BAIAP2L1: variants seen among roughly 807,000 people sequenced by gnomAD.
BAIAP2L1 encodes the protein BAR/IMD domain containing adaptor protein 2 like 1.
A neutral mutation model predicts 66.3 loss-of-function variants in BAIAP2L1; 35 were observed. That is an observed-to-expected ratio of 0.53 (90% CI 0.40 to 0.70). BAIAP2L1 has a LOEUF of 0.70. Among genes scored for constraint, BAIAP2L1 ranks in the 30% least tolerant of loss-of-function variants. The pLI, the probability that BAIAP2L1 is intolerant of heterozygous loss-of-function variation, is 0.00. For missense variants in BAIAP2L1, 622 were observed against 656.9 expected (o/e 0.95, Z 0.58); for synonymous variants, 269 against 248.7 (o/e 1.08, Z -0.77).
Position 98,293,487 on chromosome 7 carries a change from C to T in BAIAP2L1, c.*34G>A. On this transcript the variant is annotated 3_prime_UTR_variant, in exon 14 of 14. Coordinates refer to ENST00000005260, the MANE Select transcript of BAIAP2L1 (RefSeq NM_018842.5). ...GCGCCCATCATTCCGCAAGGGAGAA[C>T]CGGAGAGGCCCGGGAGAGTCCTTGG... The T allele has an allele frequency of 1.3e-6, 2 of 1,592,524 alleles. No homozygotes were observed. The highest frequency in any genetic ancestry group is 8.6e-7 in the Non-Finnish European group (1 of 1,162,056).
At chr7:98,361,005 C>T (rs779401608) in intron 2 of BAIAP2L1, among the ~76,000 whole-genome samples, 2 of 152,102 alleles carry the variant, frequency 1.3e-5, no homozygotes, top group Non-Finnish European at 2.9e-5. Context: ...TCATGCTGAG[C>T]GAGAGTGAGG....
chr7:98,396,496 C>A (rs1803211938), intron 1 of BAIAP2L1, among the ~76,000 whole-genome samples: 1 of 152,138 alleles, frequency 6.6e-6, no homozygotes, highest in Non-Finnish European at 1.5e-5. Flanking sequence ...TCTTTGGTCA[C>A]TGGAAACTAA....
Position 98,304,363 on chromosome 7 carries a change from T to G in BAIAP2L1, c.1255A>C (p.Arg419=). The change falls in exon 12 of 14, where the codon AGA becomes CGA. Residue 419 remains arginine (R), a synonymous_variant. Transcript: ENST00000005260. ...TVPTPSPTPV[R]SISTVNLSEN... Reference sequence around the variant, plus strand: ...GACAAGTTCACGGTGCTGATGCTTCTCACTGGTGTGGGGCTCAAACCCAAA... The same window carrying G: ...GACAAGTTCACGGTGCTGATGCTTCGCACTGGTGTGGGGCTCAAACCCAAA... 1 of 1,613,446 alleles carries G rather than the reference T, an allele frequency of 6.2e-7. No individual in the cohort carries two copies. Among genetic ancestry groups the G allele is most frequent in the South Asian group, 1.1e-5 (1 of 90,912 alleles).
intron 7 of BAIAP2L1, 40 bp downstream of exon 7, chr7:98,315,420 A>T (rs1291664150): frequency 1.5e-6 from 2 of 1,355,496 alleles, no homozygotes; most frequent in Admixed American, 2.8e-5. Context: ...TATGAAATAA[A>T]GTTATTAATA....
chr7:98,343,328 G>A (rs1801793447), intron 3 of BAIAP2L1, among the ~76,000 whole-genome samples: 1 of 151,740 alleles, frequency 6.6e-6, no homozygotes, highest in Non-Finnish European at 1.5e-5. Flanking sequence ...GCAGGCGCCA[G>A]TAGTCCCAGC....
At chr7:98,386,267 C>T (rs1802888318) in intron 1 of BAIAP2L1, 2 of 1,594,470 alleles carry the variant, frequency 1.3e-6, no homozygotes, top group East Asian at 4.5e-5. Context: ...CACATTTTGT[C>T]ACGGGTAAGA....
At chr7:98,359,087 A>C (rs1234416013) in intron 2 of BAIAP2L1, among the ~76,000 whole-genome samples, 2 of 152,170 alleles carry the variant, frequency 1.3e-5, no homozygotes, top group Admixed American at 6.5e-5. Context: ...CCACAGCCCC[A>C]CACGGGCCGC....
Position 98,351,237 on chromosome 7 carries a change from C to T in BAIAP2L1, c.214+3805G>A, listed in dbSNP as rs531013647. Among the ~76,000 whole-genome samples, 11 of 152,304 alleles carry T rather than the reference C, an allele frequency of 7.2e-5. No homozygotes were observed. The East Asian group carries it at 1.4e-3, about 19-fold the overall frequency. On this transcript the variant is annotated intron_variant, in intron 3 of 13. Transcript: ENST00000005260. ...CACGAGGGAGAAAAACATCACTCCA[C>T]TCAGACACACAAAAAACGCGGAAGC...
chr7:98,376,544 G>A (rs1220668791), intron 1 of BAIAP2L1, among the ~76,000 whole-genome samples: 2 of 151,558 alleles, frequency 1.3e-5, no homozygotes, highest in African/African-American at 4.9e-5. Flanking sequence ...CCATTGGCTG[G>A]GAGCGGTGGC....
At chr7:98,356,602 T>C (rs891419467) in intron 2 of BAIAP2L1, among the ~76,000 whole-genome samples, 7 of 147,086 alleles carry the variant, frequency 4.8e-5, no homozygotes, top group African/African-American at 1.8e-4. Context: ...GCTCAAAGGA[T>C]CCTTCTGCCT....
chr7:98,336,130 A>G (rs12667634), intron 3 of BAIAP2L1, among the ~76,000 whole-genome samples: 60,020 of 144,934 alleles, frequency 0.41, 13,100 homozygotes, highest in Middle Eastern at 0.55. Context: ...AACAACAGAC[A>G]CTGGGGACTA....
rs1373117674 is a variant in BAIAP2L1 at position 98,292,930 on chromosome 7, A to AG, written c.*590dup. On this transcript the variant is annotated 3_prime_UTR_variant, in exon 14 of 14. Transcript: ENST00000005260. Reference sequence around the variant, plus strand: ...GTGATAAGGGCAGGCAAAGCGTCTTAGCACTCTACAGCTCTGGCGTGGTTG... The same window carrying AG: ...GTGATAAGGGCAGGCAAAGCGTCTTAGGCACTCTACAGCTCTGGCGTGGTTG... The AG allele has an allele frequency of 7.4e-7, 1 of 1,353,976 alleles. No homozygotes were observed. The highest frequency in any genetic ancestry group is 2.8e-5 in the East Asian group (1 of 35,190). 83.9% of individuals were successfully genotyped at this position (1,353,976 alleles called of 1,614,324 possible).
intron 7 of BAIAP2L1, among the ~76,000 whole-genome samples, 171 bp downstream of exon 7, chr7:98,315,288 GT>G (rs1020662454): frequency 4.0e-5 from 6 of 149,718 alleles, no homozygotes; most frequent in Middle Eastern, 3.4e-3. Flanking sequence ...TGCCTGGCTA[GT>G]TTTTTTTTTA....
chr7:98,400,190 A>T (rs1326049205), intron 1 of BAIAP2L1: 1 of 148,294 alleles, frequency 6.7e-6, no homozygotes, highest in Non-Finnish European at 1.5e-5. Flanking sequence ...CACTAGTTGT[A>T]AAATGTGTAG....
chr7:98,329,425 G>T (rs980665893), intron 3 of BAIAP2L1, among the ~76,000 whole-genome samples: 1 of 152,116 alleles, frequency 6.6e-6, no homozygotes, highest in African/African-American at 2.4e-5. Flanking sequence ...AAACTTCAGG[G>T]GGTCAGTCTT....
At chr7:98,363,326 C>A (rs371964584) in intron 1 of BAIAP2L1, among the ~76,000 whole-genome samples, 6 of 152,048 alleles carry the variant, frequency 3.9e-5, no homozygotes, top group Non-Finnish European at 8.8e-5. Flanking sequence ...CGAGCCACTG[C>A]GCCCTGCCTC....
At chr7:98,325,620 G>C (rs1477803950) in intron 3 of BAIAP2L1, among the ~76,000 whole-genome samples, 1 of 152,166 alleles carries the variant, frequency 6.6e-6, no homozygotes, top group Non-Finnish European at 1.5e-5. Flanking sequence ...AGAGGTTGCA[G>C]TGAGCCAAGG....
At chr7:98,316,487 C>T (rs1407392731) in intron 6 of BAIAP2L1, among the ~76,000 whole-genome samples, 1 of 152,140 alleles carries the variant, frequency 6.6e-6, no homozygotes, top group African/African-American at 2.4e-5. Context: ...CTCAGGGAAA[C>T]TCTACAGCCT....
intron 1 of BAIAP2L1, among the ~76,000 whole-genome samples, chr7:98,363,926 T>C (rs1802331792): frequency 6.6e-6 from 1 of 152,232 alleles, no homozygotes; most frequent in South Asian, 2.1e-4. Flanking sequence ...AAACAACCCA[T>C]GCCTCGACCT....
Sources: gnomAD v4.1 joint callset for allele counts (sites outside exome capture counted in the v4.1 genomes callset) on GRCh38, gnomAD v4.1.1 for gene constraint, MANE v1.5 for transcripts, NCBI Gene and HGNC (gene_info 2026-07-23, HGNC 2026-07-21) for gene names.